The following C4orf50 variants were observed in gnomAD, a reference collection of about 807,000 sequenced individuals.
The protein encoded by C4orf50 is uncharacterized protein C4orf50.
In C4orf50, 80 loss-of-function variants were observed where a neutral mutation model predicts 77.2. The ratio of observed to expected loss-of-function variants is 1.04; its 90% CI spans 0.87 to 1.25. The LOEUF is 1.25. C4orf50 is among the 50% of genes most tolerant of loss of function. The pLI, the probability that C4orf50 is intolerant of heterozygous loss-of-function variation, is 0.00. For synonymous variants in C4orf50, 532 were observed against 465.3 expected, an observed-to-expected ratio of 1.14 and a Z score of -1.84; for missense variants, 1,257 against 1,152.9, an observed-to-expected ratio of 1.09 and a Z score of -1.31.
intron 7 of C4orf50, among the ~76,000 whole-genome samples, chr4:5,925,015 G>C (rs952347800): frequency 9.9e-5 from 15 of 152,042 alleles, no homozygotes; most frequent in African/African-American, 3.6e-4. Flanking sequence ...GGAGAGGTTT[G>C]GGGGGTGGGG....
Position 5,972,768 on chromosome 4 carries a change from C to T in C4orf50, c.4104+891G>A, listed in dbSNP as rs181081725. On this transcript the variant is annotated intron_variant, in intron 31 of 33. Transcript: ENST00000531445. ...GTTTACCGTGGGAGCTGGTCTCACC[C>T]GCGCACATAAGGAGCGGAGCTAGTC... is the stretch of plus-strand genomic sequence containing the variant. Among the ~76,000 whole-genome samples, 76 of 152,332 alleles carry T rather than the reference C, an allele frequency of 5.0e-4. No individual in the cohort carries two copies. In the East Asian group the frequency reaches 0.011, roughly 23 times the overall value.
At chr4:5,988,580 T>C (rs1186475924) in exon 28 of C4orf50, 1 of 1,536,600 alleles carries the variant, frequency 6.5e-7, no homozygotes, top group East Asian at 2.4e-5. Flanking sequence ...GCCAGACTCA[T>C]TTCCTCCTCC....
intron 7 of C4orf50, among the ~76,000 whole-genome samples, chr4:5,947,492 T>G (rs1283127529): frequency 6.6e-6 from 1 of 152,186 alleles, no homozygotes; most frequent in African/African-American, 2.4e-5. Context: ...CAGAAATAAT[T>G]CTGGCAACCA....
At chr4:5,943,917 G>T (rs1475435310) in intron 7 of C4orf50, among the ~76,000 whole-genome samples, 1 of 152,198 alleles carries the variant, frequency 6.6e-6, no homozygotes, top group Non-Finnish European at 1.5e-5. Flanking sequence ...AAAGATGGAT[G>T]CTGACAGGGC....
chr4:5,959,338 G>C lies in C4orf50; in HGVS notation c.*37C>G, dbSNP rs778691956. On this transcript the variant is annotated 3_prime_UTR_variant, in exon 34 of 34. Transcript: ENST00000531445. ...GAAGGTTCTGCTTCAAATATTTATG[G>C]AGTCTATGAAATGGCTCCGGAGAAT... The C allele has an allele frequency of 1.0e-5, 16 of 1,593,402 alleles. No individual in the cohort carries two copies. The African/African-American group carries it at 1.2e-4, about 12-fold the overall frequency.
At chr4:5,920,480 T>C (rs989670638) in intron 7 of C4orf50, among the ~76,000 whole-genome samples, 6 of 150,188 alleles carry the variant, frequency 4.0e-5, no homozygotes, top group Admixed American at 1.3e-4. Flanking sequence ...CATTGCTTTT[T>C]TTTTTTTTTT....
intron 33 of C4orf50, among the ~76,000 whole-genome samples, chr4:5,960,207 T>C (rs1719196854): frequency 6.6e-6 from 1 of 152,224 alleles, no homozygotes; most frequent in Non-Finnish European, 1.5e-5. Flanking sequence ...GCCAAGCCCA[T>C]CTGATTTCAA....
rs1036064398 is a variant in C4orf50, at chr4:5,901,372, C to T, written c.*2475-3184G>A. On this transcript the variant is annotated intron_variant, in intron 7 of 7. Transcript: ENST00000324058. The surrounding 1 kb of genome is among the most constrained non-coding windows in gnomAD (Gnocchi z 4.4). ...GGTGCCGAGGTGTGTATCTTATTAT[C>T]TCCATTTGCCCAGCAAGTAAACTGG... is the stretch of plus-strand genomic sequence containing the variant. The T allele has an allele frequency of 2.0e-5, 3 of 152,194 alleles. No individual in the cohort carries two copies. The highest frequency in any genetic ancestry group is 4.4e-5 in the Non-Finnish European group (3 of 68,038). The allele number at this position is 152,194 out of a possible 1,614,324, so 9.4% of individuals were successfully genotyped here.
exon 29 of C4orf50, chr4:5,980,221 C>T (rs1182523552): frequency 7.5e-6 from 12 of 1,609,950 alleles, no homozygotes; most frequent in Non-Finnish European, 7.6e-6. Flanking sequence ...TCCAGAGACG[C>T]CTGGTGGGCA....
intron 7 of C4orf50, among the ~76,000 whole-genome samples, chr4:5,907,179 G>A (rs1274237847): frequency 6.6e-6 from 1 of 151,850 alleles, no homozygotes; most frequent in Middle Eastern, 3.5e-3. Flanking sequence ...GCAGGTGGGT[G>A]ATATCAAACA....
chr4:5,948,533 A>G (rs1370102008), intron 7 of C4orf50, among the ~76,000 whole-genome samples: 2 of 152,176 alleles, frequency 1.3e-5, no homozygotes, highest in African/African-American at 4.8e-5. Flanking sequence ...GTGGTGGCTC[A>G]CGCCTGTAAT....
At chr4:6,001,257 C>A (rs1721818750) in intron 25 of C4orf50, among the ~76,000 whole-genome samples, 1 of 152,216 alleles carries the variant, frequency 6.6e-6, no homozygotes. Context: ...TCAAGCGATT[C>A]TCCTGCCTCA....
chr4:5,992,641 C>A lies in C4orf50; in HGVS notation c.1221+162G>T, dbSNP rs978284850. ...ATCCAGGTCTCAGGATGTTTCATTT[C>A]CTCTCCTCAAATCTCTCTCTCAACT... On this transcript the variant is annotated intron_variant, in intron 27 of 33. Coordinates refer to ENST00000531445, the Ensembl canonical transcript of C4orf50. The surrounding 1 kb of genome is among the most constrained non-coding windows in gnomAD (Gnocchi z 5.0). Among the ~76,000 whole-genome samples the A allele has an allele frequency of 1.3e-5, 2 of 150,574 alleles. No individual in the cohort carries two copies. The highest frequency in any genetic ancestry group is 3.0e-5 in the Non-Finnish European group (2 of 67,664).
intron 31 of C4orf50, among the ~76,000 whole-genome samples, chr4:5,968,895 G>A (rs779479285): frequency 2.6e-5 from 4 of 152,166 alleles, no homozygotes; most frequent in Admixed American, 6.5e-5. Context: ...TTCGGTATGT[G>A]GTTGGGGTGC....
At chr4:5,996,641 G>A (rs565528328) in intron 25 of C4orf50, among the ~76,000 whole-genome samples, 16 of 152,332 alleles carry the variant, frequency 1.1e-4, no homozygotes, top group South Asian at 2.1e-4. Flanking sequence ...TGGGTTGGTG[G>A]CCTCCTGTTG....
chr4:5,995,457 A>G (rs529486201), intron 25 of C4orf50, among the ~76,000 whole-genome samples: 1 of 145,196 alleles, frequency 6.9e-6, no homozygotes, highest in Non-Finnish European at 1.5e-5. Flanking sequence ...GCCACAGGGG[A>G]GAGGCTTGGG....
chr4:5,980,056 G>T, intron 29 of C4orf50, 118 bp downstream of exon 7: 3 of 711,434 alleles, frequency 4.2e-6, no homozygotes, highest in Non-Finnish European at 6.7e-6. Flanking sequence ...TAAAAATCCA[G>T]TACCTGCTCC....
exon 28 of C4orf50, chr4:5,989,146 C>T: frequency 1.3e-6 from 2 of 1,531,916 alleles, no homozygotes; most frequent in Non-Finnish European, 1.7e-6. Flanking sequence ...TGTCACCTCT[C>T]TCTCTCTCTC....
chr4:6,016,812 AAAGG>A (rs1171461254), intron 23 of C4orf50, among the ~76,000 whole-genome samples: 15 of 152,342 alleles, frequency 9.8e-5, no homozygotes, highest in African/African-American at 3.6e-4. Flanking sequence ...AACTTTACCA[AAAGG>A]AAGAAAAGTA....
Sources: allele counts gnomAD v4.1 joint callset (sites outside exome capture counted in the v4.1 genomes callset), GRCh38; gene constraint gnomAD v4.1.1; non-coding constraint Gnocchi (gnomAD v3.1); transcripts MANE v1.5; gene names NCBI Gene and HGNC (gene_info 2026-07-23, HGNC 2026-07-21).